The following VPS13B variants were observed in gnomAD, a reference collection of about 807,000 sequenced individuals.
The protein encoded by VPS13B is intermembrane lipid transfer protein VPS13B.
VPS13B carries 285 observed loss-of-function variants against 426.4 expected under a neutral mutation model. The ratio of observed to expected loss-of-function variants is 0.67; its 90% CI spans 0.61 to 0.74. The LOEUF (loss-of-function observed/expected upper bound fraction) is 0.74. VPS13B is among the 30% of genes least tolerant of loss of function. The probability of loss-of-function intolerance (pLI) is 0.00; values close to 1 mark genes in which losing one functional copy is unlikely to be tolerated. For synonymous variants in VPS13B, 1,676 were observed against 1,676.4 expected (o/e 1.00, Z 0.01); for missense variants, 4,537 against 4,782.6 (o/e 0.95, Z 1.51).
intron 33 of VPS13B, among the ~76,000 whole-genome samples, chr8:99,579,271 A>C (rs954598322): frequency 6.6e-6 from 1 of 152,222 alleles, no homozygotes; most frequent in East Asian, 1.9e-4. Flanking sequence ...AGCAGAACTC[A>C]TATCTGCTAG....
At chr8:99,172,407 CTAGT>C (rs1286483302) in intron 16 of VPS13B, among the ~76,000 whole-genome samples, 1 of 151,936 alleles carries the variant, frequency 6.6e-6, no homozygotes, top group East Asian at 1.9e-4. Context: ...TCTTAGGTAC[CTAGT>C]TAAAGTTCAT....
chr8:99,314,380 G>A (rs1289999023), intron 19 of VPS13B, among the ~76,000 whole-genome samples: 1 of 152,068 alleles, frequency 6.6e-6, no homozygotes, highest in Non-Finnish European at 1.5e-5. Context: ...CTGATGAGAA[G>A]AATGTATATT....
intron 33 of VPS13B, among the ~76,000 whole-genome samples, chr8:99,598,846 G>A (rs1238313861): frequency 6.6e-6 from 1 of 150,470 alleles, no homozygotes. Context: ...TGAATGTTTG[G>A]TGCCTGTTCT....
chr8:99,593,653 A>G (rs775109350), intron 33 of VPS13B, among the ~76,000 whole-genome samples: 1 of 152,296 alleles, frequency 6.6e-6, no homozygotes, highest in African/African-American at 2.4e-5. Flanking sequence ...ACATGGAATC[A>G]ACCTAAATGC....
At chr8:99,463,920 C>G (rs974698303) in intron 23 of VPS13B, among the ~76,000 whole-genome samples, 1 of 152,106 alleles carries the variant, frequency 6.6e-6, no homozygotes, top group Non-Finnish European at 1.5e-5. Context: ...GTCTTGAACT[C>G]TCGACCTCAG....
chr8:99,138,629 A>G (rs1199083269), intron 12 of VPS13B, among the ~76,000 whole-genome samples: 2 of 152,252 alleles, frequency 1.3e-5, no homozygotes, highest in African/African-American at 4.8e-5. Context: ...GCTAAATAAG[A>G]GGAAAATTTT....
intron 7 of VPS13B, 71 bp downstream of exon 7, chr8:99,115,945 T>C: frequency 6.7e-7 from 1 of 1,487,054 alleles, no homozygotes; most frequent in Non-Finnish European, 9.3e-7. Context: ...TGGGAAACTT[T>C]AAAAAATGTA....
rs1563510090 is a variant in VPS13B at position 99,853,979 on chromosome 8, T to C, written c.10590T>C (p.Ala3530=). The C allele has an allele frequency of 1.2e-6, 2 of 1,614,260 alleles. No individual in the cohort carries two copies. Among genetic ancestry groups the C allele is most frequent in the South Asian group, 1.1e-5 (1 of 91,086 alleles). The change falls in exon 56 of 62, where the codon GCT becomes GCC. Residue 3530 remains alanine (A), a synonymous_variant. Coordinates refer to ENST00000357162, the MANE Select transcript of VPS13B (RefSeq NM_152564.5). ...CCTACCTTCCTAACAGCAGGTTGGCTGGTCACTCCACACACCTCTCCGGGG... is the reference window on the plus strand; with the variant it reads ...CCTACCTTCCTAACAGCAGGTTGGCCGGTCACTCCACACACCTCTCCGGGG... ...FDTYLPNSRL[A]GHSTHLSGGK... is the part of the protein sequence containing the mutation.
chr8:99,710,599 G>C (rs920631941), intron 36 of VPS13B, among the ~76,000 whole-genome samples: 1 of 151,392 alleles, frequency 6.6e-6, no homozygotes, highest in Non-Finnish European at 1.5e-5. Context: ...TGAGTCCCAG[G>C]GATTACTTTC....
intron 19 of VPS13B, among the ~76,000 whole-genome samples, chr8:99,345,817 C>T (rs924442933): frequency 2.6e-5 from 4 of 152,098 alleles, no homozygotes; most frequent in East Asian, 1.9e-4. Flanking sequence ...AACTGAAAAC[C>T]GGAAGGCAAG....
At chr8:99,157,790 G>A (rs990714148) in intron 15 of VPS13B, among the ~76,000 whole-genome samples, 1 of 152,116 alleles carries the variant, frequency 6.6e-6, no homozygotes, top group African/African-American at 2.4e-5. Flanking sequence ...GAATTCAAAG[G>A]AAAAGTCTCC....
intron 17 of VPS13B, among the ~76,000 whole-genome samples, chr8:99,204,968 C>T (rs1814605543): frequency 1.3e-5 from 2 of 152,116 alleles, no homozygotes; most frequent in South Asian, 4.1e-4. Context: ...GGATCTAGAA[C>T]CAGAAATACC....
chr8:99,828,791 C>CTTACAAGATTT (rs1814879015), intron 51 of VPS13B, among the ~76,000 whole-genome samples: 1 of 152,028 alleles, frequency 6.6e-6, no homozygotes, highest in Non-Finnish European at 1.5e-5. Flanking sequence ...TAAGGCAGAC[C>CTTACAAGATTT]TGGTGGTGAC....
chr8:99,310,778 G>A (rs1025693689), intron 19 of VPS13B, among the ~76,000 whole-genome samples: 2 of 152,116 alleles, frequency 1.3e-5, no homozygotes, highest in African/African-American at 4.8e-5. Context: ...GCTCCTCCTT[G>A]TACCTCTGGT....
At chr8:99,379,127 T>A (rs908803641) in intron 19 of VPS13B, among the ~76,000 whole-genome samples, 7 of 152,216 alleles carry the variant, frequency 4.6e-5, no homozygotes, top group African/African-American at 1.7e-4. Flanking sequence ...AGATTGTGCA[T>A]GCTTTTATGA....
At chr8:99,343,588 T>C (rs1241737089) in intron 19 of VPS13B, among the ~76,000 whole-genome samples, 1 of 152,208 alleles carries the variant, frequency 6.6e-6, no homozygotes, top group African/African-American at 2.4e-5. Context: ...TTGCCTGTGC[T>C]TTAAGTTGCA....
chr8:99,030,311 T>C (rs1842451871), intron 2 of VPS13B, among the ~76,000 whole-genome samples: 2 of 151,928 alleles, frequency 1.3e-5, no homozygotes, highest in African/African-American at 4.8e-5. Context: ...CAAAAATGAT[T>C]TCTGGTTAGG....
intron 2 of VPS13B, among the ~76,000 whole-genome samples, chr8:99,032,773 C>T (rs1368320871): frequency 6.6e-6 from 1 of 151,806 alleles, no homozygotes; most frequent in Non-Finnish European, 1.5e-5. Flanking sequence ...ATCTCCTGAC[C>T]TCGTGATCCA....
intron 17 of VPS13B, among the ~76,000 whole-genome samples, chr8:99,262,065 A>C (rs993429846): frequency 1.3e-5 from 2 of 152,190 alleles, no homozygotes; most frequent in Admixed American, 1.3e-4. Context: ...CAATATGGAC[A>C]GGGATTTCTG....
Sources: allele counts gnomAD v4.1 joint callset (sites outside exome capture counted in the v4.1 genomes callset), GRCh38; gene constraint gnomAD v4.1.1; transcripts MANE v1.5; gene names NCBI Gene and HGNC (gene_info 2026-07-23, HGNC 2026-07-21).